Variants in PDE8B observed in about 807,000 individuals in gnomAD.
PDE8B encodes high affinity cAMP-specific and IBMX-insensitive 3',5'-cyclic phosphodiesterase 8B.
Under a neutral mutation model 101.3 loss-of-function variants are expected in PDE8B, and 26 were observed. The ratio of observed to expected loss-of-function variants is 0.26; its 90% CI spans 0.19 to 0.36. The LOEUF (loss-of-function observed/expected upper bound fraction) is 0.36, where lower values mean the gene tolerates loss of function less well. Among genes scored for constraint, PDE8B ranks in the 10% least tolerant of loss-of-function variants. The probability of loss-of-function intolerance (pLI) is 1.00; values close to 1 mark genes in which losing one functional copy is unlikely to be tolerated. For missense variants in PDE8B, 810 were observed against 1,163.1 expected, an observed-to-expected ratio of 0.70 and a Z score of 4.42; for synonymous variants, 424 against 429.3, an observed-to-expected ratio of 0.99 and a Z score of 0.15.
At chr5:77,274,406 C>A (rs774733087) in intron 1 of PDE8B, among the ~76,000 whole-genome samples, 105 of 152,174 alleles carry the variant, frequency 6.9e-4, no homozygotes, top group Middle Eastern at 3.2e-3. Context: ...TTCCTGCGGA[C>A]CCATTCATAA....
At chr5:77,148,676 TCTTTAG>T in the PDE8B span, 1 of 152,236 alleles carries the variant, frequency 6.6e-6, no homozygotes, top group Non-Finnish European at 1.5e-5. Flanking sequence ...TTATGTACAT[TCTTTAG>T]TGAAATGGCT....
At chr5:77,234,843 G>C (rs1204035952) in intron 1 of PDE8B, among the ~76,000 whole-genome samples, 1 of 152,168 alleles carries the variant, frequency 6.6e-6, no homozygotes, top group African/African-American at 2.4e-5. Flanking sequence ...TATTTGGCCT[G>C]TTTTCTCGTT....
chr5:77,143,046 G>T, the PDE8B span, among the ~76,000 whole-genome samples: 1 of 152,040 alleles, frequency 6.6e-6, no homozygotes, highest in African/African-American at 2.4e-5. Context: ...GGAGACTTCG[G>T]GGAACCCTAG....
chr5:77,324,047 C>CA (rs1230361146), intron 2 of PDE8B, among the ~76,000 whole-genome samples: 8 of 152,108 alleles, frequency 5.3e-5, no homozygotes, highest in Non-Finnish European at 1.0e-4. Flanking sequence ...TTAAGTGAAA[C>CA]ACGTTTGGTG....
At chr5:77,094,803 G>A in the PDE8B span, among the ~76,000 whole-genome samples, 1 of 152,154 alleles carries the variant, frequency 6.6e-6, no homozygotes, top group Non-Finnish European at 1.5e-5. Context: ...AGAGAGAGTA[G>A]AGGGAGGCAC....
At chr5:77,278,544 A>G (rs1334793130) in intron 1 of PDE8B, among the ~76,000 whole-genome samples, 1 of 151,988 alleles carries the variant, frequency 6.6e-6, no homozygotes, top group African/African-American at 2.4e-5. Context: ...ATCTTGTCTC[A>G]TTGCAAGCTC....
the PDE8B span, among the ~76,000 whole-genome samples, chr5:77,116,703 A>G: frequency 8.1e-4 from 123 of 152,346 alleles, no homozygotes; most frequent in South Asian, 4.4e-3. Context: ...CAATTTTTCC[A>G]TAAACAGAAA....
chr5:77,396,809 C>T (rs950518029), intron 10 of PDE8B, among the ~76,000 whole-genome samples: 4 of 151,932 alleles, frequency 2.6e-5, no homozygotes, highest in Non-Finnish European at 4.4e-5. Flanking sequence ...AATTGTTTCT[C>T]TTATATTTAG....
chr5:77,359,372 C>T (rs1207966831), intron 10 of PDE8B, among the ~76,000 whole-genome samples: 3 of 152,172 alleles, frequency 2.0e-5, no homozygotes, highest in Non-Finnish European at 4.4e-5. Context: ...CTACCCTGAG[C>T]ATGATGTGAG....
rs773485857 is a variant in PDE8B at position 77,408,949 on chromosome 5, C to T, written c.1422C>T (p.Ala474=). The T allele has an allele frequency of 1.9e-6, 3 of 1,613,442 alleles. No individual in the cohort carries two copies. The highest frequency in any genetic ancestry group is 4.5e-5 in the East Asian group (2 of 44,872). Residue 474 remains alanine, a synonymous_variant, in exon 14 of 22, where the codon GCC becomes GCT. Transcript: ENST00000264917. ...QENSPVTVAE[A]LDRVLEILRT... ...ACAGCCCAGTCACAGTAGCGGAAGC[C>T]TTGGACAGAGTTCTAGAGATTTTAC...
intron 10 of PDE8B, among the ~76,000 whole-genome samples, chr5:77,370,034 T>A (rs1453777936): frequency 6.6e-6 from 1 of 152,252 alleles, no homozygotes; most frequent in Non-Finnish European, 1.5e-5. Context: ...TCTCTTTAAA[T>A]ATACATCCCT....
the PDE8B span, among the ~76,000 whole-genome samples, chr5:77,182,364 G>A: frequency 6.6e-6 from 1 of 152,064 alleles, no homozygotes; most frequent in Non-Finnish European, 1.5e-5. Flanking sequence ...ATAGGTGGAA[G>A]TAAGCCTGAC....
At chr5:77,135,473 ATT>A in the PDE8B span, among the ~76,000 whole-genome samples, 2,706 of 121,348 alleles carry the variant, frequency 0.022, 46 homozygotes, top group African/African-American at 0.083. Flanking sequence ...AGCCAGAGGA[ATT>A]TTTTTTTTTT....
chr5:77,266,712 A>C (rs966635696), intron 1 of PDE8B, among the ~76,000 whole-genome samples: 1 of 152,166 alleles, frequency 6.6e-6, no homozygotes, highest in South Asian at 2.1e-4. Context: ...AATATTTATG[A>C]ATTCAGTGTT....
chr5:77,192,826 A>G, the PDE8B span, among the ~76,000 whole-genome samples: 1 of 152,176 alleles, frequency 6.6e-6, no homozygotes, highest in African/African-American at 2.4e-5. Flanking sequence ...CAGTTGTTCT[A>G]TATCTTGCTA....
chr5:77,115,168 T>C, the PDE8B span: 1 of 152,318 alleles, frequency 6.6e-6, no homozygotes, highest in South Asian at 2.1e-4. Context: ...TGGGAAAACA[T>C]ATCTTTGTGT....
At chr5:77,195,412 G>A in the PDE8B span, among the ~76,000 whole-genome samples, 2,016 of 152,170 alleles carry the variant, frequency 0.013, 45 homozygotes, top group African/African-American at 0.046. Flanking sequence ...TTTCCCAACA[G>A]CAATGTTTAA....
At chr5:77,117,749 G>A in the PDE8B span, among the ~76,000 whole-genome samples, 1 of 152,182 alleles carries the variant, frequency 6.6e-6, no homozygotes, top group Non-Finnish European at 1.5e-5. Context: ...CCTGAGAGCA[G>A]GAAGAGCAAT....
intron 1 of PDE8B, among the ~76,000 whole-genome samples, chr5:77,222,190 C>T (rs920767620): frequency 5.9e-5 from 9 of 152,130 alleles, no homozygotes; most frequent in Admixed American, 6.5e-5. Context: ...TCTCCTTGCA[C>T]GGTAGGGATA....
Sources: gnomAD v4.1 joint callset for allele counts (sites outside exome capture counted in the v4.1 genomes callset) on GRCh38, gnomAD v4.1.1 for gene constraint, MANE v1.5 for transcripts, NCBI Gene and HGNC (gene_info 2026-07-23, HGNC 2026-07-21) for gene names.